POM121: variants seen among roughly 807,000 people sequenced by gnomAD.
POM121 encodes the protein POM121 transmembrane nucleoporin.
Under a neutral mutation model 81.3 loss-of-function variants are expected in POM121, and 32 were observed. The ratio of observed to expected loss-of-function variants is 0.39; its 90% confidence interval spans 0.30 to 0.53. POM121 has a LOEUF of 0.53. POM121 is among the 20% of genes least tolerant of loss of function. The pLI, the probability that POM121 is intolerant of heterozygous loss-of-function variation, is 0.66. For missense variants in POM121, 1,138 were observed against 1,614.6 expected (o/e 0.70, Z 5.06); for synonymous variants, 514 against 694.2 (o/e 0.74, Z 4.08).
At chr7:72,885,052 A>G (rs1554489857) in intron 1 of POM121, among the ~76,000 whole-genome samples, 1 of 152,180 alleles carries the variant, frequency 6.6e-6, no homozygotes, top group East Asian at 1.9e-4. Flanking sequence ...ATGCTTTTTA[A>G]GTCTGTTTAA....
chr7:72,925,135 C>T lies in POM121; in HGVS notation c.14C>T (p.Ala5Val), dbSNP rs1554496789. Residue 5 changes from alanine to valine, a missense_variant, in exon 1 of 13, where the codon GCT becomes GTT. Around this residue, in one of 7 missense-constraint regions of POM121, gnomAD observed 646 missense variants for 633.5 expected, o/e 1.02. Coordinates refer to ENST00000434423, the MANE Select transcript of POM121 (RefSeq NM_001387691.1). ...CGCGGAGCCGCGATGTCTCCGGCGG[C>T]TGCGGCGGCTGGAGCAGGCGAGCGG... MSPA[A>V]AAAGAGERRR... 1.4e-6 allele frequency: 2 copies of T among 1,438,786 alleles called. No homozygotes were observed. Among genetic ancestry groups the T allele is most frequent in the Admixed American group, 3.1e-5 (1 of 32,546 alleles). 89.1% of individuals were successfully genotyped at this position (1,438,786 alleles called of 1,614,324 possible). A position where few individuals can be genotyped will look rare whatever the true frequency, so the allele number is the denominator to read the frequency against.
At chr7:72,924,635 A>G (rs2129577616), upstream of POM121, 1 of 159,542 alleles carries the variant, frequency 6.3e-6, no homozygotes, top group Non-Finnish European at 1.4e-5. Flanking sequence ...TAGCATAGGT[A>G]TAAGTCGATC....
At chr7:72,920,946 C>T (rs553387395), upstream of POM121, among the ~76,000 whole-genome samples, 4 of 152,130 alleles carry the variant, frequency 2.6e-5, no homozygotes, top group South Asian at 6.2e-4. Context: ...TTTGAGAGGC[C>T]GAGGTGGGCA....
chr7:72,949,415 A>C (rs144002800), downstream of POM121: 429 of 1,418,548 alleles, frequency 3.0e-4, no homozygotes, highest in Middle Eastern at 5.2e-4. Flanking sequence ...AGCTCACAGC[A>C]GGAGACGCCA....
In POM121 at chr7:72,947,955, G is replaced by A; in HGVS notation, c.*1721G>A. ...ACCTGGCTGCGTGTGCAGCTGAGGA[G>A]GGAGTGAACCTCAAGCCTAAATACC... On this transcript the variant is annotated 3_prime_UTR_variant, in exon 13 of 13. Coordinates refer to ENST00000434423, the MANE Select transcript of POM121 (RefSeq NM_001387691.1). The A allele has an allele frequency of 9.5e-7, 1 of 1,056,038 alleles. No homozygotes were observed. Among genetic ancestry groups the A allele is most frequent in the Middle Eastern group, 4.6e-4 (1 of 2,174 alleles). The allele number at this position is 1,056,038 out of a possible 1,614,324, so 65.4% of individuals were successfully genotyped here.
intron 5 of POM121, 137 bp downstream of exon 5, chr7:72,930,248 A>G: frequency 8.0e-7 from 1 of 1,251,194 alleles, no homozygotes; most frequent in Non-Finnish European, 1.1e-6. Flanking sequence ...TGAGCCCAGG[A>G]GTTCAAAACC....
intron 11 of POM121, among the ~76,000 whole-genome samples, chr7:72,943,780 G>A (rs1236746138): frequency 1.3e-5 from 2 of 152,168 alleles, no homozygotes; most frequent in Non-Finnish European, 2.9e-5. Context: ...GCTCACGCTT[G>A]TAATCCCAAT....
intron 5 of POM121, among the ~76,000 whole-genome samples, chr7:72,937,050 A>T (rs1323625650): frequency 6.6e-6 from 1 of 151,916 alleles, no homozygotes; most frequent in Non-Finnish European, 1.5e-5. Context: ...AGGTCAAGAG[A>T]TCAAGACCAT....
downstream of POM121, chr7:72,948,455 C>T (rs1554503842): frequency 1.9e-6 from 3 of 1,613,442 alleles, no homozygotes; most frequent in East Asian, 4.5e-5. Context: ...CTTCCTTTCC[C>T]ACCAGGAAGG....
chr7:72,915,377 G>A lies in POM121; in HGVS notation c.-152+1549G>A, dbSNP rs148031766. On this transcript the variant is annotated intron_variant, in intron 4 of 15. Transcript: ENST00000395270. ...ATTAACAAACTAGCCAACATGCACT[G>A]CTTTTTGTTTGTTTTTGAGACGAGT... Among the ~76,000 whole-genome samples the A allele has an allele frequency of 5.2e-3, 788 of 152,222 alleles. 5 individuals are homozygous for A. The highest frequency in any genetic ancestry group is 5.2e-3 in the Admixed American group (80 of 15,272).
At chr7:72,939,302 T>A in intron 6 of POM121, 34 bp from the exon 7 acceptor site, 1 of 1,611,442 alleles carries the variant, frequency 6.2e-7, no homozygotes, top group Non-Finnish European at 8.5e-7. Flanking sequence ...CCAAGAAGCC[T>A]TTCTAGACTA....
At chr7:72,893,961 G>A (rs1322295988) in intron 3 of POM121, among the ~76,000 whole-genome samples, 2 of 151,914 alleles carry the variant, frequency 1.3e-5, no homozygotes, top group African/African-American at 4.8e-5. Context: ...CCCTGCCCCC[G>A]TTTTCTCTTT....
downstream of POM121, chr7:72,948,788 G>T (rs151304264): frequency 3.5e-4 from 544 of 1,575,380 alleles, 8 homozygotes; most frequent in African/African-American, 7.0e-3. Flanking sequence ...GTGGGGCCGG[G>T]CAGGCAGGGC....
At chr7:72,920,522 T>C (rs1554495832), upstream of POM121, among the ~76,000 whole-genome samples, 1 of 151,844 alleles carries the variant, frequency 6.6e-6, no homozygotes, top group African/African-American at 2.4e-5. Flanking sequence ...GCCCAGCTGA[T>C]TTTTTGTATT....
intron 3 of POM121, among the ~76,000 whole-genome samples, chr7:72,903,466 T>C (rs1792916902): frequency 6.6e-6 from 1 of 152,144 alleles, no homozygotes; most frequent in Non-Finnish European, 1.5e-5. Context: ...TTTTGAGTAT[T>C]ATAATGGGGT....
intron 3 of POM121, among the ~76,000 whole-genome samples, chr7:72,893,436 T>A (rs1226317452): frequency 1.1e-4 from 17 of 151,988 alleles, no homozygotes; most frequent in Admixed American, 1.1e-3. Context: ...ACAAAAAAAT[T>A]AGCCGGGCGT....
intron 3 of POM121, among the ~76,000 whole-genome samples, chr7:72,895,737 C>A (rs1354970905): frequency 6.6e-6 from 1 of 151,834 alleles, no homozygotes; most frequent in East Asian, 1.9e-4. Flanking sequence ...CTGGCCAACC[C>A]GTCTCTACTA....
intron 3 of POM121, among the ~76,000 whole-genome samples, chr7:72,898,294 A>G (rs542450195): frequency 1.3e-5 from 2 of 152,274 alleles, no homozygotes; most frequent in South Asian, 2.1e-4. Flanking sequence ...GAGTCTCACT[A>G]AGTTGCCCAG....
At chr7:72,882,899 A>G (rs2129574349) in intron 1 of POM121, among the ~76,000 whole-genome samples, 1 of 152,214 alleles carries the variant, frequency 6.6e-6, no homozygotes, top group East Asian at 1.9e-4. Flanking sequence ...CCCCTTCCTC[A>G]CAGGACCCTT....
Sources: allele counts gnomAD v4.1 joint callset (sites outside exome capture counted in the v4.1 genomes callset), GRCh38; gene constraint gnomAD v4.1.1; regional missense constraint gnomAD v4.1.1; transcripts MANE v1.5; gene names NCBI Gene and HGNC (gene_info 2026-07-23, HGNC 2026-07-21).